Variants in COL9A1 observed in about 807,000 individuals in gnomAD.
COL9A1 encodes collagen alpha-1(IX) chain.
A neutral mutation model predicts 142.6 loss-of-function variants in COL9A1; 104 were observed. The observed-to-expected ratio is 0.73, with a 90% confidence interval of 0.62 to 0.86. COL9A1 has a LOEUF of 0.86. COL9A1 is among the 40% of genes least tolerant of loss of function. The pLI is 0.00. For synonymous variants in COL9A1, 466 were observed against 396.0 expected (o/e 1.18, Z -2.10); for missense variants, 1,210 against 1,176.6 (o/e 1.03, Z -0.42).
intron 2 of COL9A1, 52 bp downstream of exon 2, chr6:70,301,949 A>T: frequency 1.4e-6 from 2 of 1,449,124 alleles, no homozygotes; most frequent in South Asian, 1.2e-5. Context: ...GCCCTGCCTG[A>T]TCATTTCTGG....
chr6:70,241,363 G>A, intron 31 of COL9A1, 56 bp downstream of exon 31: 1 of 1,398,320 alleles, frequency 7.2e-7, no homozygotes, highest in African/African-American at 1.4e-5. Flanking sequence ...CCCCTTGCTT[G>A]TGAAATGGTG....
chr6:70,267,327 G>GGTTTTTTTT (rs757813161), intron 17 of COL9A1, among the ~76,000 whole-genome samples: 9 of 127,060 alleles, frequency 7.1e-5, no homozygotes, highest in African/African-American at 2.7e-4. Context: ...TGGTTTTTTT[G>GGTTTTTTTT]TTTTTTTTTT....
At chr6:70,272,662 A>ACG (rs1297802381) in intron 12 of COL9A1, among the ~76,000 whole-genome samples, 1 of 152,102 alleles carries the variant, frequency 6.6e-6, no homozygotes, top group African/African-American at 2.4e-5. Context: ...CTACAATGGG[A>ACG]CGCTAATTTA....
Position 70,266,779 on chromosome 6 carries a change from T to C in COL9A1, c.1288-9A>G, listed in dbSNP as rs181039243. The C allele has an allele frequency of 2.0e-4, 321 of 1,611,748 alleles. 1 individual carries two copies. The African/African-American group carries it at 3.8e-3, about 19-fold the overall frequency. ...TTAGCCCCTTTATGACCCTAACAAA[T>C]GCAAAATAAGTAATTGTCTTGAGTT... is the stretch of plus-strand genomic sequence containing the variant. On this transcript the variant is annotated splice_polypyrimidine_tract_variant and intron_variant, in intron 17 of 37. Transcript: ENST00000357250.
In COL9A1 at chr6:70,217,004, C is replaced by T. The variant is rs1479340639; in HGVS notation, c.2659G>A (p.Gly887Arg). The part of the protein sequence containing the change: ...RGPPGVAGIP[G>R]VPGPPGPPGL... The stretch of plus-strand genomic sequence containing the variant: ...GGAGGTCCCGGGGGTCCAGGCACTC[C>T]AGGAATTCCTGCCACCCCTGGGGGG... Residue 887 changes from glycine to arginine, a missense_variant, in exon 38 of 38, where the codon GGA becomes AGA. Transcript: ENST00000357250. The T allele has an allele frequency of 2.5e-6, 4 of 1,614,028 alleles. No individual in the cohort carries two copies. Among genetic ancestry groups the T allele is most frequent in the Non-Finnish European group, 2.5e-6 (3 of 1,180,028 alleles).
intron 25 of COL9A1, among the ~76,000 whole-genome samples, chr6:70,254,051 C>A (rs960769843): frequency 1.3e-5 from 2 of 152,162 alleles, no homozygotes; most frequent in African/African-American, 4.8e-5. Context: ...TGCAGGGAAA[C>A]ACCAATTTGA....
intron 37 of COL9A1, among the ~76,000 whole-genome samples, chr6:70,219,369 T>C (rs978230829): frequency 6.6e-6 from 1 of 152,200 alleles, no homozygotes; most frequent in Non-Finnish European, 1.5e-5. Context: ...CTTGTTTTTG[T>C]AGTTTTATTA....
Position 70,280,837 on chromosome 6 carries a change from C to T in COL9A1, c.950G>A (p.Gly317Asp). 6.2e-7 allele frequency: 1 copy of T among 1,613,248 alleles called. No homozygotes were observed. The highest frequency in any genetic ancestry group is 8.5e-7 in the Non-Finnish European group (1 of 1,179,798). The change falls in exon 10 of 38, where the codon GGC becomes GAC. Residue 317 changes from glycine (G) to aspartate (D), a missense_variant. Gly to Asp is a moderately conservative substitution (Grantham distance 94). Transcript: ENST00000357250. ...AGEPGKPGAP[G>D]KPGTPGADGL... is the part of the protein sequence containing the mutation. ...ATCAGCGCCAGGTGTGCCAGGCTTG[C>T]CTGGAGCTCCTGGCTTTCCCGGTTC...
chr6:70,274,697 T>G (rs1772636814), intron 11 of COL9A1, 22 bp downstream of exon 11: 1 of 1,598,434 alleles, frequency 6.3e-7, no homozygotes, highest in Admixed American at 1.7e-5. Flanking sequence ...TACTAGCAAT[T>G]AATGCCAGAT....
At chr6:70,299,983 C>T (rs1773997043) in intron 4 of COL9A1, 60 bp downstream of exon 4, 2 of 1,474,934 alleles carry the variant, frequency 1.4e-6, no homozygotes, top group Admixed American at 1.7e-5. Context: ...CATTGGATAG[C>T]TATCCATTTT....
chr6:70,260,518 A>T lies in COL9A1; in HGVS notation c.1449+139T>A, dbSNP rs890284420. 5 of 693,216 alleles carry T rather than the reference A, an allele frequency of 7.2e-6. No homozygotes were observed. In the African/African-American group the frequency reaches 9.3e-5, roughly 13 times the overall value. 42.9% of individuals were successfully genotyped at this position (693,216 alleles called of 1,614,324 possible). On this transcript the variant is annotated intron_variant, in intron 20 of 37. Transcript: ENST00000357250. ...AGCCAAGATCGCGCCATTGCACTCC[A>T]GCCTGGGCAACAAGAGTGAAACTCC...
intron 28 of COL9A1, among the ~76,000 whole-genome samples, chr6:70,251,620 C>T (rs1033534842): frequency 2.0e-5 from 3 of 152,108 alleles, no homozygotes; most frequent in Non-Finnish European, 4.4e-5. Context: ...ATGAAACTTC[C>T]AGAATTGGCA....
rs191929629 is a variant in COL9A1, at chr6:70,277,148, T to C, written c.976-2376A>G. Among the ~76,000 whole-genome samples the C allele has an allele frequency of 3.0e-3, 455 of 152,304 alleles. 2 individuals carry two copies. The highest frequency in any genetic ancestry group is 0.01 in the African/African-American group (423 of 41,574). ...TTTAGCTATAATTCTTATACTTTATTCTAATTCCTCTTCTGCTTATCTCAT... is the reference window on the plus strand; with the variant it reads ...TTTAGCTATAATTCTTATACTTTATCCTAATTCCTCTTCTGCTTATCTCAT... On this transcript the variant is annotated intron_variant, in intron 10 of 37. Transcript: ENST00000357250.
At chr6:70,273,589 C>T (rs1309610910) in intron 12 of COL9A1, among the ~76,000 whole-genome samples, 2 of 152,052 alleles carry the variant, frequency 1.3e-5, no homozygotes, top group Non-Finnish European at 2.9e-5. Context: ...TGTGCAAATG[C>T]AGAAAAAGAC....
In COL9A1 at chr6:70,266,766, T is replaced by A. The variant is rs1235212437; in HGVS notation, c.1292A>T (p.His431Leu). The A allele has an allele frequency of 1.9e-6, 3 of 1,613,384 alleles. No individual in the cohort carries two copies. Among genetic ancestry groups the A allele is most frequent in the Non-Finnish European group, 2.5e-6 (3 of 1,179,408 alleles). The change falls in exon 18 of 38, where the codon CAT becomes CTT. Residue 431 changes from histidine to leucine, a missense_variant. His to Leu is a moderately conservative substitution (Grantham distance 99). Coordinates refer to ENST00000357250, the MANE Select transcript of COL9A1 (RefSeq NM_001851.6). ...GYPGLPGMRG[H>L]KGAKGEIGEP... ...ACCAATTTCTCCTTTAGCCCCTTTA[T>A]GACCCTAACAAATGCAAAATAAGTA...
rs192569927 is a variant in COL9A1 at position 70,274,498 on chromosome 6, T to C, written c.1029+221A>G. 5.3e-5 allele frequency among the ~76,000 whole-genome samples: 8 copies of C among 152,278 alleles called. No individual in the cohort carries two copies. The East Asian group carries it at 1.3e-3, about 26-fold the overall frequency. ...TGTTCCTGCGTTAGTTTGCTGAAAATAATGGCTTCCAGCTCCATCCACGTC... is the reference window on the plus strand; with the variant it reads ...TGTTCCTGCGTTAGTTTGCTGAAAACAATGGCTTCCAGCTCCATCCACGTC... On this transcript the variant is annotated intron_variant, in intron 11 of 37. Transcript: ENST00000357250.
intron 37 of COL9A1, among the ~76,000 whole-genome samples, chr6:70,225,153 C>A (rs7741471): frequency 6.6e-6 from 1 of 152,044 alleles, no homozygotes; most frequent in African/African-American, 2.4e-5. Flanking sequence ...CCACTGCCTC[C>A]CCACAATAAG....
At chr6:70,282,820 C>T in intron 7 of COL9A1, 78 bp downstream of exon 7, 1 of 1,608,062 alleles carries the variant, frequency 6.2e-7, no homozygotes. Context: ...GCCTTTCTCA[C>T]AGCTCCCTCG....
Position 70,281,538 on chromosome 6 carries a change from G to C in COL9A1, c.802-74C>G. 5.0e-6 allele frequency: 6 copies of C among 1,194,350 alleles called. No homozygotes were observed. In the South Asian group the frequency reaches 7.0e-5, roughly 14 times the overall value. 74.0% of individuals were successfully genotyped at this position (1,194,350 alleles called of 1,614,324 possible). The stretch of plus-strand genomic sequence containing the variant: ...GAGCAACTGAGCGCGGTGCCCTGAA[G>C]CCCCCGCCTCCGTGGGGTAAAAGTT... On this transcript the variant is annotated intron_variant, in intron 7 of 37. Transcript: ENST00000357250.
Sources: gnomAD v4.1 joint callset for allele counts (sites outside exome capture counted in the v4.1 genomes callset) on GRCh38, gnomAD v4.1.1 for gene constraint, MANE v1.5 for transcripts, NCBI Gene and HGNC (gene_info 2026-07-23, HGNC 2026-07-21) for gene names.